DPP6: variants seen among roughly 807,000 people sequenced by gnomAD.
DPP6 encodes dipeptidyl peptidase like 6.
In DPP6, 69 loss-of-function variants were observed where a neutral mutation model predicts 122.6. The ratio of observed to expected loss-of-function variants is 0.56; its 90% confidence interval spans 0.46 to 0.69. The LOEUF (loss-of-function observed/expected upper bound fraction) is 0.69, where lower values mean the gene tolerates loss of function less well. Among genes scored for constraint, DPP6 ranks in the 30% least tolerant of loss-of-function variants. DPP6 has a pLI of 0.00. For synonymous variants in DPP6, 418 were observed against 433.1 expected, an observed-to-expected ratio of 0.97 and a Z score of 0.43; for missense variants, 928 against 1,116.9, an observed-to-expected ratio of 0.83 and a Z score of 2.41.
intron 21 of DPP6, among the ~76,000 whole-genome samples, chr7:154,881,930 G>A (rs565904533): frequency 4.0e-4 from 61 of 152,324 alleles, no homozygotes; most frequent in Non-Finnish European, 5.0e-4. Context: ...AAGCCACTGG[G>A]TCATTGGTAG....
At chr7:154,527,501 T>C (rs528168681) in intron 3 of DPP6, among the ~76,000 whole-genome samples, 1 of 152,276 alleles carries the variant, frequency 6.6e-6, no homozygotes, top group East Asian at 1.9e-4. Context: ...CTATTTGTTA[T>C]CAGAACATAC....
intron 1 of DPP6, among the ~76,000 whole-genome samples, chr7:153,950,030 A>G (rs1347459456): frequency 6.6e-6 from 1 of 152,122 alleles, no homozygotes; most frequent in Admixed American, 6.5e-5. Context: ...TATAAGAAAG[A>G]AAGGAAACAT....
chr7:154,551,671 G>A lies in DPP6; in HGVS notation c.552+11045G>A, dbSNP rs925766055. Among the ~76,000 whole-genome samples the A allele has an allele frequency of 4.6e-5, 7 of 152,098 alleles. No homozygotes were observed. In the South Asian group the frequency reaches 1.5e-3, roughly 32 times the overall value. ...ATCTCAGTAATTTCATTCTCATGCT[G>A]TAGTCCTTTCATTTGCTCCTTTTGT... On this transcript the variant is annotated intron_variant, in intron 4 of 25. Coordinates refer to ENST00000377770, the MANE Select transcript of DPP6 (RefSeq NM_130797.4).
At chr7:154,575,160 GTGTA>G (rs1243450080) in intron 5 of DPP6, among the ~76,000 whole-genome samples, 3 of 118,434 alleles carry the variant, frequency 2.5e-5, no homozygotes, top group Non-Finnish European at 5.1e-5. Flanking sequence ...TGTGGTCTGT[GTGTA>G]TGTGTGTGGG....
the DPP6 span, among the ~76,000 whole-genome samples, chr7:153,843,922 C>CT: frequency 6.6e-6 from 1 of 152,212 alleles, no homozygotes; most frequent in East Asian, 1.9e-4. Flanking sequence ...CTAAAGAGGC[C>CT]TAGAAGAGCT....
At chr7:154,259,605 G>T (rs1198982129) in intron 1 of DPP6, among the ~76,000 whole-genome samples, 2 of 152,174 alleles carry the variant, frequency 1.3e-5, no homozygotes, top group African/African-American at 2.4e-5. Flanking sequence ...CAGAAGCTGG[G>T]CTGGCTGTGA....
In DPP6 at chr7:154,157,392, T is replaced by C. The variant is rs139452184; in HGVS notation, c.243+104329T>C. On this transcript the variant is annotated intron_variant, in intron 1 of 25. Transcript: ENST00000377770. Reference sequence around the variant, plus strand: ...CAGAGACTTCAGAGGAGGAACTCCCTGAGAATGGGAAGTCATTCTCTAGTT... The same window carrying C: ...CAGAGACTTCAGAGGAGGAACTCCCCGAGAATGGGAAGTCATTCTCTAGTT... 5.3e-3 allele frequency among the ~76,000 whole-genome samples: 814 copies of C among 152,366 alleles called. 6 individuals carry two copies. The highest frequency in any genetic ancestry group is 0.019 in the African/African-American group (782 of 41,598).
chr7:153,770,663 G>A, the DPP6 span, among the ~76,000 whole-genome samples: 1 of 152,100 alleles, frequency 6.6e-6, no homozygotes, highest in Non-Finnish European at 1.5e-5. Context: ...GCAATCAAAA[G>A]AACCACTTAG....
chr7:153,812,610 A>G, the DPP6 span, among the ~76,000 whole-genome samples: 2 of 152,206 alleles, frequency 1.3e-5, no homozygotes, highest in Admixed American at 1.3e-4. Flanking sequence ...TTCAGAATGA[A>G]TGAGTCAAAG....
At chr7:154,525,754 G>GTTTT (rs3057500) in intron 3 of DPP6, among the ~76,000 whole-genome samples, 10 of 146,424 alleles carry the variant, frequency 6.8e-5, no homozygotes, top group African/African-American at 2.5e-4. Flanking sequence ...GTTTTGTTGT[G>GTTTT]TTTTTTTTTT....
chr7:154,884,089 C>T (rs1025500454), intron 21 of DPP6: 5 of 147,032 alleles, frequency 3.4e-5, no homozygotes, highest in Admixed American at 6.7e-5. Context: ...CTCACACACA[C>T]ATGCTCACCC....
At chr7:154,337,109 C>G (rs1051103171) in intron 1 of DPP6, among the ~76,000 whole-genome samples, 2 of 152,192 alleles carry the variant, frequency 1.3e-5, no homozygotes, top group Non-Finnish European at 2.9e-5. Context: ...ATCACTCTTG[C>G]AATTTGGTTC....
intron 1 of DPP6, among the ~76,000 whole-genome samples, chr7:154,334,077 G>A (rs1809183158): frequency 6.6e-6 from 1 of 151,660 alleles, no homozygotes; most frequent in Admixed American, 6.6e-5. Flanking sequence ...AATTATTCCG[G>A]TTATAGGTGT....
At chr7:154,217,848 G>T (rs532396758) in intron 1 of DPP6, among the ~76,000 whole-genome samples, 9 of 152,268 alleles carry the variant, frequency 5.9e-5, no homozygotes, top group Admixed American at 5.2e-4. Flanking sequence ...GGAAGGGCTT[G>T]GTTCCTCCAC....
intron 17 of DPP6, among the ~76,000 whole-genome samples, chr7:154,860,399 G>A (rs769208218): frequency 6.6e-6 from 1 of 152,168 alleles, no homozygotes; most frequent in Non-Finnish European, 1.5e-5. Flanking sequence ...CGTCCCTCTC[G>A]AAAAGCTTCT....
chr7:154,130,091 C>T (rs992161935), intron 1 of DPP6, among the ~76,000 whole-genome samples: 7 of 148,750 alleles, frequency 4.7e-5, no homozygotes, highest in Non-Finnish European at 7.4e-5. Context: ...TCTGTCCCCC[C>T]ACACACACAA....
intron 1 of DPP6, among the ~76,000 whole-genome samples, chr7:153,971,944 TG>T (rs1462770612): frequency 6.8e-6 from 1 of 148,008 alleles, no homozygotes; most frequent in African/African-American, 2.5e-5. Flanking sequence ...GGCAGTGAGC[TG>T]GGGCCCTCGT....
chr7:154,380,453 G>A (rs796866179), intron 1 of DPP6, among the ~76,000 whole-genome samples: 2 of 152,212 alleles, frequency 1.3e-5, no homozygotes, highest in South Asian at 2.1e-4. Context: ...GCAGACAGGT[G>A]TTCATTGTGT....
intron 5 of DPP6, among the ~76,000 whole-genome samples, chr7:154,574,619 TGTGTGTG>T: frequency 1.3e-5 from 1 of 78,406 alleles, no homozygotes; most frequent in African/African-American, 4.2e-5. Flanking sequence ...TTGGGGTGTA[TGTGTGTG>T]GTGTGTGTGT....
Sources: gnomAD v4.1 joint callset for allele counts (sites outside exome capture counted in the v4.1 genomes callset) on GRCh38, gnomAD v4.1.1 for gene constraint, MANE v1.5 for transcripts, NCBI Gene and HGNC (gene_info 2026-07-23, HGNC 2026-07-21) for gene names.